Variants in SKAP1 observed in about 807,000 individuals in gnomAD.
SKAP1 encodes src kinase associated phosphoprotein 1, also known as src kinase-associated phosphoprotein 1.
SKAP1 carries 44 observed loss-of-function variants against 58.5 expected under a neutral mutation model. The observed-to-expected ratio is 0.75, with a 90% confidence interval of 0.59 to 0.97. The LOEUF is 0.97. Among genes scored for constraint, SKAP1 ranks in the 50% least tolerant of loss-of-function variants. SKAP1 has a pLI of 0.00. For missense variants in SKAP1, 390 were observed against 435.2 expected (o/e 0.90, Z 0.92); for synonymous variants, 127 against 149.7 (o/e 0.85, Z 1.11).
intron 4 of SKAP1, among the ~76,000 whole-genome samples, chr17:48,265,661 T>C (rs1343812754): frequency 6.6e-6 from 1 of 152,228 alleles, no homozygotes; most frequent in Non-Finnish European, 1.5e-5. Context: ...TATTCTAGTA[T>C]TGTTGTCATC....
intron 2 of SKAP1, among the ~76,000 whole-genome samples, chr17:48,396,339 C>T (rs1368524106): frequency 6.6e-6 from 1 of 152,162 alleles, no homozygotes; most frequent in Non-Finnish European, 1.5e-5. Context: ...CTCATACTGC[C>T]TAACACTTTC....
chr17:48,183,662 T>C (rs2064401418), intron 7 of SKAP1, among the ~76,000 whole-genome samples: 1 of 152,154 alleles, frequency 6.6e-6, no homozygotes, highest in Admixed American at 6.5e-5. Context: ...GATGTGTTAC[T>C]ATCAGAATGT....
At chr17:48,157,669 C>T (rs112836461) in intron 11 of SKAP1, among the ~76,000 whole-genome samples, 5,247 of 150,432 alleles carry the variant, frequency 0.035, 317 homozygotes, top group African/African-American at 0.12. Flanking sequence ...GCTGGGACTA[C>T]AGGCATGCAC....
chr17:48,138,407 T>C (rs2063727813), intron 11 of SKAP1, among the ~76,000 whole-genome samples: 3 of 150,490 alleles, frequency 2.0e-5, no homozygotes, highest in African/African-American at 7.4e-5. Flanking sequence ...TCTGGCTCTG[T>C]CTCCCAGGCT....
chr17:48,326,889 CTTTTTTT>C (rs35868072), intron 4 of SKAP1, among the ~76,000 whole-genome samples: 8 of 121,608 alleles, frequency 6.6e-5, no homozygotes, highest in Middle Eastern at 4.0e-3. Flanking sequence ...TTCTTTCTTT[CTTTTTTT>C]TTTTTTTTTT....
chr17:48,405,521 A>C (rs1364084734), intron 1 of SKAP1, among the ~76,000 whole-genome samples: 2 of 96,132 alleles, frequency 2.1e-5, no homozygotes, highest in Admixed American at 2.5e-4. Flanking sequence ...TTTTTTTTTG[A>C]GACAGAGTTT....
chr17:48,182,554 G>T, intron 7 of SKAP1, 97 bp from the exon 8 acceptor site: 1 of 824,432 alleles, frequency 1.2e-6, no homozygotes. Context: ...GAGTTTCAGA[G>T]TCAAGTTTAA....
intron 4 of SKAP1, among the ~76,000 whole-genome samples, chr17:48,324,379 T>C (rs1423031690): frequency 6.6e-6 from 1 of 152,152 alleles, no homozygotes; most frequent in Middle Eastern, 3.2e-3. Flanking sequence ...TTCTAATTAC[T>C]TGATGTTCCA....
In SKAP1 at chr17:48,417,980, A is replaced by T. The variant is rs368351735; in HGVS notation, c.46+12095T>A. 3.3e-5 allele frequency among the ~76,000 whole-genome samples: 5 copies of T among 152,060 alleles called. No homozygotes were observed. The East Asian group carries it at 5.8e-4, about 18-fold the overall frequency. On this transcript the variant is annotated intron_variant, in intron 1 of 12. Coordinates refer to ENST00000336915, the MANE Select transcript of SKAP1 (RefSeq NM_003726.4). ...AAAAGTCTCCAACACTGCTATGGTA[A>T]AAAAAAACAACAACAACAATAAAAA...
intron 10 of SKAP1, among the ~76,000 whole-genome samples, chr17:48,170,035 C>CTGAA (rs1004877033): frequency 6.6e-6 from 1 of 152,208 alleles, no homozygotes; most frequent in African/African-American, 2.4e-5. Flanking sequence ...CACTAACAGC[C>CTGAA]TGAAGCATGG....
At chr17:48,390,465 T>TA (rs1024503181) in intron 2 of SKAP1, among the ~76,000 whole-genome samples, 1 of 151,090 alleles carries the variant, frequency 6.6e-6, no homozygotes, top group Non-Finnish European at 1.5e-5. Context: ...CTTCACGTAT[T>TA]AAAAAAAAAG....
intron 2 of SKAP1, among the ~76,000 whole-genome samples, chr17:48,385,308 T>C (rs1319739071): frequency 9.7e-6 from 1 of 103,188 alleles, no homozygotes. Flanking sequence ...TTCAAGAAGT[T>C]TGCCTGCACA....
chr17:48,260,306 G>A (rs929327904), intron 4 of SKAP1, among the ~76,000 whole-genome samples: 2 of 152,118 alleles, frequency 1.3e-5, no homozygotes, highest in Non-Finnish European at 2.9e-5. Flanking sequence ...GAATTTAAGA[G>A]TAAGGGAGAT....
Position 48,148,163 on chromosome 17 carries a change from G to A in SKAP1, c.979-10826C>T, listed in dbSNP as rs775622914. ...GATCAAGCTGAGGCCACGGAGGTGT[G>A]GAGGGCCTGTGCACACACTGCATGT... On this transcript the variant is annotated intron_variant, in intron 11 of 12. Transcript: ENST00000336915. 1.1e-3 allele frequency among the ~76,000 whole-genome samples: 166 copies of A among 152,276 alleles called. 1 individual carries two copies. Among genetic ancestry groups the A allele is most frequent in the Non-Finnish European group, 1.7e-3 (113 of 68,020 alleles).
chr17:48,232,907 C>T (rs2065140548), intron 4 of SKAP1, among the ~76,000 whole-genome samples: 1 of 152,198 alleles, frequency 6.6e-6, no homozygotes, highest in African/African-American at 2.4e-5. Context: ...CAAAACCCAA[C>T]CAACAGTTCT....
At chr17:48,393,249 C>T (rs1305346929) in intron 2 of SKAP1, among the ~76,000 whole-genome samples, 1 of 152,142 alleles carries the variant, frequency 6.6e-6, no homozygotes, top group Non-Finnish European at 1.5e-5. Context: ...ACAGAAATTG[C>T]TATCCGTTTT....
chr17:48,367,688 C>A (rs978969931), intron 2 of SKAP1, among the ~76,000 whole-genome samples: 1 of 151,272 alleles, frequency 6.6e-6, no homozygotes, highest in African/African-American at 2.4e-5. Flanking sequence ...GAGACCAAGG[C>A]AGGAGGATTG....
intron 4 of SKAP1, among the ~76,000 whole-genome samples, chr17:48,212,360 A>G (rs1033111099): frequency 6.6e-6 from 1 of 152,206 alleles, no homozygotes; most frequent in Non-Finnish European, 1.5e-5. Flanking sequence ...GTGATTCAAA[A>G]GTCCACCTCT....
At chr17:48,434,373 C>T (rs147014414), upstream of SKAP1, among the ~76,000 whole-genome samples, 5 of 152,304 alleles carry the variant, frequency 3.3e-5, no homozygotes, top group African/African-American at 9.6e-5. Context: ...AACTTGGGCA[C>T]GTTACTTCAG....
Sources: allele counts gnomAD v4.1 joint callset (sites outside exome capture counted in the v4.1 genomes callset), GRCh38; gene constraint gnomAD v4.1.1; transcripts MANE v1.5; gene names NCBI Gene and HGNC (gene_info 2026-07-23, HGNC 2026-07-21).